The following CTNND2 variants were observed in gnomAD, a reference collection of about 807,000 sequenced individuals.
CTNND2 encodes catenin delta-2.
Under a neutral mutation model 144.4 loss-of-function variants are expected in CTNND2, and 22 were observed. That is an observed-to-expected ratio of 0.15 (90% CI 0.11 to 0.22). The LOEUF (loss-of-function observed/expected upper bound fraction) is 0.22, where lower values mean the gene tolerates loss of function less well. Ranked by LOEUF, CTNND2 falls within the 10% of genes least tolerant of loss-of-function variation. The pLI, the probability that CTNND2 is intolerant of heterozygous loss-of-function variation, is 1.00. For missense variants in CTNND2, 1,353 were observed against 1,618.8 expected (o/e 0.84, Z 2.82); for synonymous variants, 751 against 695.6 (o/e 1.08, Z -1.25).
intron 3 of CTNND2, among the ~76,000 whole-genome samples, chr5:11,464,475 T>C (rs929475748): frequency 4.6e-5 from 7 of 152,120 alleles, no homozygotes; most frequent in Non-Finnish European, 7.4e-5. Context: ...CAGCAGGACT[T>C]AGACTTAGTG....
At chr5:11,690,008 AG>A (rs1434131437) in intron 2 of CTNND2, among the ~76,000 whole-genome samples, 1 of 152,240 alleles carries the variant, frequency 6.6e-6, no homozygotes, top group Non-Finnish European at 1.5e-5. Flanking sequence ...GTCAAACATC[AG>A]GGGAAATCTA....
intron 3 of CTNND2, among the ~76,000 whole-genome samples, chr5:11,492,653 T>A: frequency 6.6e-6 from 1 of 151,872 alleles, no homozygotes; most frequent in South Asian, 2.1e-4. Flanking sequence ...TATATATGTC[T>A]TTATTCACTA....
chr5:10,992,723 T>G (rs561439954), intron 18 of CTNND2, 46 bp from the exon 19 acceptor site: 10 of 1,593,940 alleles, frequency 6.3e-6, no homozygotes, highest in Middle Eastern at 1.7e-4. Flanking sequence ...GACAGAGTGA[T>G]TTTTCACCTC....
chr5:11,386,766 A>C (rs1759126757), intron 6 of CTNND2, among the ~76,000 whole-genome samples: 1 of 152,236 alleles, frequency 6.6e-6, no homozygotes, highest in Non-Finnish European at 1.5e-5. Context: ...AGCAACTAGA[A>C]CAGGGCCTGA....
chr5:11,049,423 T>C (rs1745606102), intron 16 of CTNND2, among the ~76,000 whole-genome samples: 1 of 152,194 alleles, frequency 6.6e-6, no homozygotes, highest in African/African-American at 2.4e-5. Flanking sequence ...TGTCTAAACA[T>C]GCATTGGCAC....
chr5:11,821,759 G>A lies in CTNND2; in HGVS notation c.37+82058C>T, dbSNP rs567835653. On this transcript the variant is annotated intron_variant, in intron 1 of 21. Transcript: ENST00000304623. ...ATCAGTATAAGAGAGATTTAAATTC[G>A]CTTTGTTTTATCAATTAGAAATATG... is the stretch of plus-strand genomic sequence containing the variant. Among the ~76,000 whole-genome samples, 8 of 152,152 alleles carry A rather than the reference G, an allele frequency of 5.3e-5. No individual in the cohort carries two copies. The East Asian group carries it at 5.8e-4, about 11-fold the overall frequency.
At chr5:11,136,871 C>T (rs1561366028) in intron 12 of CTNND2, among the ~76,000 whole-genome samples, 1 of 152,256 alleles carries the variant, frequency 6.6e-6, no homozygotes, top group East Asian at 1.9e-4. Flanking sequence ...AACTCCTACT[C>T]ATCATTCAAG....
chr5:11,522,224 C>T (rs1193647095), intron 3 of CTNND2, among the ~76,000 whole-genome samples: 1 of 152,200 alleles, frequency 6.6e-6, no homozygotes, highest in East Asian at 1.9e-4. Flanking sequence ...TTTTCCATGA[C>T]AAACGTGATA....
At chr5:11,305,452 C>T (rs1750091022) in intron 9 of CTNND2, among the ~76,000 whole-genome samples, 1 of 152,200 alleles carries the variant, frequency 6.6e-6, no homozygotes, top group Admixed American at 6.5e-5. Flanking sequence ...GTCCCTGCAG[C>T]CATTTCCCCA....
chr5:10,981,953 G>T, intron 20 of CTNND2, 107 bp from the exon 21 acceptor site: 1 of 862,818 alleles, frequency 1.2e-6, no homozygotes, highest in Non-Finnish European at 1.9e-6. Context: ...GTTTTCTTGG[G>T]GACCATTCCA....
chr5:11,617,481 T>C (rs1432624662), intron 2 of CTNND2, among the ~76,000 whole-genome samples: 1 of 152,244 alleles, frequency 6.6e-6, no homozygotes, highest in African/African-American at 2.4e-5. Flanking sequence ...ATATTAACTA[T>C]GTATACTATA....
At position 11,692,672 on chromosome 5, in the gene CTNND2, G is replaced by A. The variant is rs1318840898; in HGVS notation, c.174+39464C>T. On this transcript the variant is annotated intron_variant, in intron 2 of 21. Coordinates refer to ENST00000304623, the MANE Select transcript of CTNND2 (RefSeq NM_001332.4). ...GCTGGAGTGCAGTGGCACGATCTCA[G>A]TTCACTGCAATCTCCATCTTCTGGG... Among the ~76,000 whole-genome samples, 3 of 152,254 alleles carry A rather than the reference G, an allele frequency of 2.0e-5. No homozygotes were observed. The East Asian group carries it at 5.8e-4, about 29-fold the overall frequency.
At chr5:11,754,777 C>T (rs1454246911) in intron 1 of CTNND2, among the ~76,000 whole-genome samples, 1 of 151,602 alleles carries the variant, frequency 6.6e-6, no homozygotes, top group East Asian at 1.9e-4. Context: ...AATAGCAGCC[C>T]CTGCTTTTTT....
chr5:11,755,204 T>C (rs765605391), intron 1 of CTNND2, among the ~76,000 whole-genome samples: 14 of 151,798 alleles, frequency 9.2e-5, no homozygotes, highest in Non-Finnish European at 1.8e-4. Context: ...CTACGAAGTT[T>C]AGTTTGACTG....
chr5:11,739,639 G>T (rs1269087844), intron 1 of CTNND2, among the ~76,000 whole-genome samples: 2 of 152,124 alleles, frequency 1.3e-5, no homozygotes, highest in Non-Finnish European at 2.9e-5. Context: ...ACCAGTACAA[G>T]ACAAGGATGC....
chr5:11,557,273 G>C (rs904427598), intron 3 of CTNND2, among the ~76,000 whole-genome samples: 4 of 152,106 alleles, frequency 2.6e-5, no homozygotes, highest in Non-Finnish European at 5.9e-5. Flanking sequence ...GACTTGGCAG[G>C]CAAGTCAGAC....
intron 1 of CTNND2, among the ~76,000 whole-genome samples, chr5:11,877,322 C>G (rs895844976): frequency 1.3e-5 from 2 of 151,974 alleles, no homozygotes; most frequent in Non-Finnish European, 2.9e-5. Flanking sequence ...TTATTCTTTT[C>G]TAATAAATTT....
At chr5:11,307,523 A>G (rs1750371378) in intron 9 of CTNND2, among the ~76,000 whole-genome samples, 1 of 152,190 alleles carries the variant, frequency 6.6e-6, no homozygotes, top group South Asian at 2.1e-4. Context: ...AACAATGCCT[A>G]TATTTTAAAA....
At chr5:11,180,684 A>T (rs577898122) in intron 11 of CTNND2, among the ~76,000 whole-genome samples, 1 of 152,280 alleles carries the variant, frequency 6.6e-6, no homozygotes, top group South Asian at 2.1e-4. Context: ...TGTAACACTG[A>T]TCTCTTTTCC....
Sources: allele counts gnomAD v4.1 joint callset (sites outside exome capture counted in the v4.1 genomes callset), GRCh38; gene constraint gnomAD v4.1.1; transcripts MANE v1.5; gene names NCBI Gene and HGNC (gene_info 2026-07-23, HGNC 2026-07-21).